TTLL5: variants seen among roughly 807,000 people sequenced by gnomAD.
The protein encoded by TTLL5 is tubulin tyrosine ligase like 5.
Under a neutral mutation model 168.4 loss-of-function variants are expected in TTLL5, and 132 were observed. The observed-to-expected ratio is 0.78, with a 90% CI of 0.68 to 0.91. TTLL5 has a LOEUF of 0.91. TTLL5 is among the 40% of genes least tolerant of loss of function. The pLI, the probability that TTLL5 is intolerant of heterozygous loss-of-function variation, is 0.00. For synonymous variants in TTLL5, 546 were observed against 558.6 expected (o/e 0.98, Z 0.32); for missense variants, 1,545 against 1,581.5 (o/e 0.98, Z 0.39).
chr14:75,934,507 G>A (rs1033799653), intron 31 of TTLL5, among the ~76,000 whole-genome samples: 1 of 152,090 alleles, frequency 6.6e-6, no homozygotes, highest in Non-Finnish European at 1.5e-5. Flanking sequence ...TTTAAGACAA[G>A]GTTTTCTGGG....
At chr14:75,938,626 C>A (rs185347451) in intron 31 of TTLL5, among the ~76,000 whole-genome samples, 2 of 152,154 alleles carry the variant, frequency 1.3e-5, no homozygotes, top group Non-Finnish European at 2.9e-5. Flanking sequence ...GAGGTACACA[C>A]GTTTTTATTC....
intron 3 of TTLL5, among the ~76,000 whole-genome samples, chr14:75,672,426 A>G (rs1883821437): frequency 6.6e-6 from 1 of 151,250 alleles, no homozygotes; most frequent in Non-Finnish European, 1.5e-5. Context: ...TTGTATTTTT[A>G]GTAAAGATGG....
Position 75,706,887 on chromosome 14 carries a change from G to A in TTLL5, c.586-131G>A, listed in dbSNP as rs150121783. 2.1e-3 allele frequency: 1,367 copies of A among 666,570 alleles called. 5 individuals are homozygous for A. Among genetic ancestry groups the A allele is most frequent in the Non-Finnish European group, 2.8e-3 (1,095 of 392,654 alleles). The allele number at this position is 666,570 out of a possible 1,614,324, so 41.3% of individuals were successfully genotyped here. A position where few individuals can be genotyped will look rare whatever the true frequency, so the allele number is the denominator to read the frequency against. On this transcript the variant is annotated intron_variant, in intron 7 of 31. Transcript: ENST00000298832. ...GGCCAACTGAATATATGGGTACCTT[G>A]GAGGAAACTTTAACCAGAATTTTAG...
At chr14:75,906,823 T>G in intron 31 of TTLL5, 2 of 709,598 alleles carry the variant, frequency 2.8e-6, no homozygotes, top group Non-Finnish European at 3.5e-6. Flanking sequence ...CTTAGAAGGA[T>G]GCTCCCAAAC....
At chr14:75,724,757 T>C (rs1207557635) in intron 12 of TTLL5, among the ~76,000 whole-genome samples, 1 of 152,150 alleles carries the variant, frequency 6.6e-6, no homozygotes, top group East Asian at 1.9e-4. Context: ...AGACAGATTT[T>C]TTACAATCTA....
At chr14:75,679,558 C>T (rs1884444249) in intron 3 of TTLL5, among the ~76,000 whole-genome samples, 1 of 152,198 alleles carries the variant, frequency 6.6e-6, no homozygotes, top group African/African-American at 2.4e-5. Context: ...CCTCTCGACT[C>T]CTTGTAAGTG....
At chr14:75,894,534 G>A (rs2032560671) in intron 30 of TTLL5, among the ~76,000 whole-genome samples, 1 of 152,098 alleles carries the variant, frequency 6.6e-6, no homozygotes, top group South Asian at 2.1e-4. Context: ...CAGCCTGGGC[G>A]ACAGAGCAAG....
chr14:75,872,410 T>C (rs935491346), intron 29 of TTLL5, among the ~76,000 whole-genome samples: 3 of 152,186 alleles, frequency 2.0e-5, no homozygotes, highest in African/African-American at 7.2e-5. Context: ...GGCAGCATAG[T>C]ATAGTGAGGT....
intron 12 of TTLL5, among the ~76,000 whole-genome samples, chr14:75,725,065 G>C (rs561182529): frequency 6.6e-6 from 1 of 152,344 alleles, no homozygotes; most frequent in South Asian, 2.1e-4. Flanking sequence ...GAACTGATCA[G>C]CCTGGACTTG....
intron 26 of TTLL5, 43 bp from the exon 27 acceptor site, chr14:75,792,873 C>CT: frequency 1.3e-6 from 2 of 1,492,580 alleles, no homozygotes; most frequent in Non-Finnish European, 9.0e-7. Context: ...TTTTTCAGGC[C>CT]TTTTTTTCCT....
In TTLL5 at chr14:75,733,869, CT is replaced by C. The variant is rs1388294554; in HGVS notation, c.1125-117del. 28 of 867,224 alleles carry C rather than the reference CT, an allele frequency of 3.2e-5. No homozygotes were observed. In the Admixed American group the frequency reaches 5.7e-4, roughly 18 times the overall value. The allele number at this position is 867,224 out of a possible 1,614,324, so 53.7% of individuals were successfully genotyped here. A position where few individuals can be genotyped will look rare whatever the true frequency, so the allele number is the denominator to read the frequency against. ...CCACCGCCCCCGTGGATTTTATGGG[CT>C]TTATGTGTTGCTCTTCATTGACATT... On this transcript the variant is annotated intron_variant, in intron 13 of 31. Coordinates refer to ENST00000298832, the MANE Select transcript of TTLL5 (RefSeq NM_015072.5).
chr14:75,904,066 T>C, intron 31 of TTLL5: 2 of 1,211,106 alleles, frequency 1.7e-6, no homozygotes, highest in Non-Finnish European at 2.1e-6. Context: ...CTCTTTCCAC[T>C]CCCTGCTCAT....
chr14:75,819,629 A>G (rs1181305097), intron 27 of TTLL5, among the ~76,000 whole-genome samples: 2 of 152,216 alleles, frequency 1.3e-5, no homozygotes. Flanking sequence ...ACTAAAATTT[A>G]CTGAGCATTT....
At chr14:75,737,892 A>AGAT (rs1470976876) in intron 15 of TTLL5, among the ~76,000 whole-genome samples, 1 of 152,178 alleles carries the variant, frequency 6.6e-6, no homozygotes, top group African/African-American at 2.4e-5. Flanking sequence ...CATATCTATC[A>AGAT]CTTTGACCAA....
intron 29 of TTLL5, among the ~76,000 whole-genome samples, chr14:75,874,965 ACT>A (rs1292263654): frequency 1.3e-5 from 1 of 79,400 alleles, no homozygotes; most frequent in East Asian, 7.5e-4. Context: ...ACGGAGTCTC[ACT>A]CTGTCACCCA....
At chr14:75,719,617 A>G (rs748189488) in intron 10 of TTLL5, 118 bp from the exon 11 acceptor site, 20 of 779,390 alleles carry the variant, frequency 2.6e-5, no homozygotes, top group Non-Finnish European at 3.9e-5. Context: ...ACTGGAAGTC[A>G]GCAAAGTGAA....
chr14:75,699,269 A>C lies in TTLL5; in HGVS notation c.584A>C (p.Asn195Thr). The change falls in exon 7 of 32, where the codon AAT becomes ACT. Residue 195 changes from asparagine to threonine, a missense_variant and splice_region_variant. Coordinates refer to ENST00000298832, the MANE Select transcript of TTLL5 (RefSeq NM_015072.5). ...GGGCGGGGCGTCTACCTGATCAACAATGTAAGTATGCAGCAGATGGCAAAC... is the reference window on the plus strand; with the variant it reads ...GGGCGGGGCGTCTACCTGATCAACACTGTAAGTATGCAGCAGATGGCAAAC... Reference protein sequence around the residue: ...SRGRGVYLINNPNQISLEENI... With the variant: ...SRGRGVYLINTPNQISLEENI... 6.2e-7 allele frequency: 1 copy of C among 1,613,630 alleles called. No homozygotes were observed. Among genetic ancestry groups the C allele is most frequent in the South Asian group, 1.1e-5 (1 of 91,050 alleles).
Position 75,954,364 on chromosome 14 carries a change from T to G in TTLL5, c.3824-60T>G, listed in dbSNP as rs936654643. The G allele has an allele frequency of 1.3e-5, 20 of 1,586,182 alleles. No individual in the cohort carries two copies. The East Asian group carries it at 1.8e-4, about 14-fold the overall frequency. ...GTTAGATAAACCAGACATTGCTGCC[T>G]GTAAGTAAAACCCCATGCTGTCATT... On this transcript the variant is annotated intron_variant, in intron 31 of 31. Coordinates refer to ENST00000298832, the MANE Select transcript of TTLL5 (RefSeq NM_015072.5).
At chr14:75,731,458 T>C (rs1327889178) in intron 12 of TTLL5, among the ~76,000 whole-genome samples, 1 of 150,056 alleles carries the variant, frequency 6.7e-6, no homozygotes, top group African/African-American at 2.5e-5. Flanking sequence ...GTAGAGGAAG[T>C]CTCAGTAATA....
Sources: allele counts gnomAD v4.1 joint callset (sites outside exome capture counted in the v4.1 genomes callset), GRCh38; gene constraint gnomAD v4.1.1; transcripts MANE v1.5; gene names NCBI Gene and HGNC (gene_info 2026-07-23, HGNC 2026-07-21).